RPTOR: variants seen among roughly 807,000 people sequenced by gnomAD.
RPTOR encodes regulatory-associated protein of mTOR.
In RPTOR, 21 loss-of-function variants were observed where a neutral mutation model predicts 169.9. The ratio of observed to expected loss-of-function variants is 0.12; its 90% CI spans 0.09 to 0.18. RPTOR has a LOEUF of 0.18. RPTOR is among the 10% of genes least tolerant of loss of function. The probability of loss-of-function intolerance (pLI) is 1.00; values close to 1 mark genes in which losing one functional copy is unlikely to be tolerated. For missense variants in RPTOR, 1,133 were observed against 1,855.9 expected, an observed-to-expected ratio of 0.61 and a Z score of 7.16; for synonymous variants, 732 against 753.2, an observed-to-expected ratio of 0.97 and a Z score of 0.46.
rs1279577299 is a variant in RPTOR, at chr17:80,608,143, A to G, written c.163-17548A>G. Among the ~76,000 whole-genome samples, 2 of 152,122 alleles carry G rather than the reference A, an allele frequency of 1.3e-5. 1 individual carries two copies. The highest frequency in any genetic ancestry group is 4.1e-4 in the South Asian group (2 of 4,832). ...AGAGTGATAGACTCTCTCATTTTTC[A>G]GTTTACTGAGCAGGGTTCCCCCACT... On this transcript the variant is annotated intron_variant, in intron 1 of 33. Coordinates refer to ENST00000306801, the MANE Select transcript of RPTOR (RefSeq NM_020761.3).
chr17:80,817,204 T>C (rs1352462642), intron 7 of RPTOR, among the ~76,000 whole-genome samples: 1 of 152,096 alleles, frequency 6.6e-6, no homozygotes, highest in Non-Finnish European at 1.5e-5. Flanking sequence ...TCTGAGAGGC[T>C]GGGCAGCTAG....
At chr17:80,728,446 G>GTGTGTGTGTGTGTGTGTGTGTGTGT (rs2066359075) in intron 4 of RPTOR, among the ~76,000 whole-genome samples, 20 of 148,278 alleles carry the variant, frequency 1.3e-4, no homozygotes, top group African/African-American at 4.9e-4. Context: ...TCCACTCTGG[G>GTGTGTGTGTGTGTGTGTGTGTGTGT]GTGTGTGTGT....
At chr17:80,690,681 G>C (rs2065983825) in intron 3 of RPTOR, among the ~76,000 whole-genome samples, 1 of 152,104 alleles carries the variant, frequency 6.6e-6, no homozygotes, top group African/African-American at 2.4e-5. Context: ...TGTTTCATGT[G>C]TGGTGCTGTG....
chr17:80,964,698 C>A lies in RPTOR; in HGVS notation c.*368C>A, dbSNP rs3751934. On this transcript the variant is annotated 3_prime_UTR_variant, in exon 34 of 34. Coordinates refer to ENST00000306801, the MANE Select transcript of RPTOR (RefSeq NM_020761.3). ...GAGCATTAGCTGCAGAAAAACCCCC[C>A]GACAGAGCCCTGGCGGAGAGGCAGG... 0.46 allele frequency: 137,902 copies of A among 299,672 alleles called. 33,661 individuals carry two copies. The highest frequency in any genetic ancestry group is 0.67 in the African/African-American group (32,116 of 47,606). 18.6% of individuals were successfully genotyped at this position (299,672 alleles called of 1,614,324 possible).
At chr17:80,828,322 C>T (rs1023156446) in intron 9 of RPTOR, among the ~76,000 whole-genome samples, 3 of 152,178 alleles carry the variant, frequency 2.0e-5, no homozygotes, top group African/African-American at 4.8e-5. Flanking sequence ...ATGAGAAACC[C>T]GTGGCAGGTG....
At chr17:80,621,573 C>G (rs1031718970) in intron 1 of RPTOR, among the ~76,000 whole-genome samples, 8 of 152,214 alleles carry the variant, frequency 5.3e-5, no homozygotes, top group African/African-American at 1.9e-4. Flanking sequence ...CTGGCTGCCC[C>G]ACTTGCTCGC....
At chr17:80,716,810 A>C (rs961717157) in intron 4 of RPTOR, among the ~76,000 whole-genome samples, 1 of 152,234 alleles carries the variant, frequency 6.6e-6, no homozygotes, top group Admixed American at 6.5e-5. Context: ...TCCCAGCACC[A>C]TTTGTTGTAA....
At chr17:80,890,823 C>T (rs1000024292) in intron 17 of RPTOR, among the ~76,000 whole-genome samples, 1 of 151,954 alleles carries the variant, frequency 6.6e-6, no homozygotes, top group Non-Finnish European at 1.5e-5. Flanking sequence ...ACAGAGAGTG[C>T]GTAGACGGAG....
chr17:80,634,308 C>CTGTGTG (rs1555599807), intron 2 of RPTOR, among the ~76,000 whole-genome samples: 1 of 64,814 alleles, frequency 1.5e-5, no homozygotes, highest in Non-Finnish European at 3.3e-5. Flanking sequence ...TGTGTGCGTA[C>CTGTGTG]TGTGCGTGTG....
In RPTOR at chr17:80,838,423, G is replaced by A. The variant is rs116862243; in HGVS notation, c.1212+426G>A. Among the ~76,000 whole-genome samples the A allele has an allele frequency of 3.9e-4, 60 of 152,304 alleles. No homozygotes were observed. In the East Asian group the frequency reaches 7.2e-3, roughly 18 times the overall value. ...CGTTCTGCCCCCGGCCGCACTGCACGGGCGCTGGAGAGCTGAGCCACCCTA... is the reference window on the plus strand; with the variant it reads ...CGTTCTGCCCCCGGCCGCACTGCACAGGCGCTGGAGAGCTGAGCCACCCTA... On this transcript the variant is annotated intron_variant, in intron 10 of 33. Coordinates refer to ENST00000306801, the MANE Select transcript of RPTOR (RefSeq NM_020761.3).
chr17:80,549,805 C>T (rs1178218256), intron 1 of RPTOR, among the ~76,000 whole-genome samples: 1 of 152,210 alleles, frequency 6.6e-6, no homozygotes, highest in Non-Finnish European at 1.5e-5. Context: ...GACACTCTGT[C>T]TACATGCATG....
intron 5 of RPTOR, among the ~76,000 whole-genome samples, chr17:80,752,273 G>T (rs1598281206): frequency 6.6e-6 from 1 of 152,316 alleles, no homozygotes; most frequent in South Asian, 2.1e-4. Flanking sequence ...GTGCAGGAGG[G>T]ACTTTGCAAG....
intron 3 of RPTOR, among the ~76,000 whole-genome samples, chr17:80,684,589 C>G (rs534103705): frequency 6.6e-6 from 1 of 151,938 alleles, no homozygotes; most frequent in Non-Finnish European, 1.5e-5. Context: ...GGACTACAGA[C>G]GCCCACCACC....
rs1035771629 is a variant in RPTOR at position 80,564,289 on chromosome 17, C to T, written c.162+18498C>T. Reference sequence around the variant, plus strand: ...GTGTTAGCAAGGATGGTCTCAATCTCCTGACCTTGTGATCTGCCCGCCTCG... The same window carrying T: ...GTGTTAGCAAGGATGGTCTCAATCTTCTGACCTTGTGATCTGCCCGCCTCG... On this transcript the variant is annotated intron_variant, in intron 1 of 33. Coordinates refer to ENST00000306801, the MANE Select transcript of RPTOR (RefSeq NM_020761.3). Among the ~76,000 whole-genome samples, 25 of 152,152 alleles carry T rather than the reference C, an allele frequency of 1.6e-4. No homozygotes were observed. In the East Asian group the frequency reaches 4.8e-3, roughly 29 times the overall value.
rs377709755 is a variant in RPTOR, at chr17:80,964,944, C to T, written c.*614C>T. 8.6e-6 allele frequency: 2 copies of T among 233,486 alleles called. No homozygotes were observed. Among genetic ancestry groups the T allele is most frequent in the Non-Finnish European group, 8.5e-6 (1 of 118,334 alleles). The allele number at this position is 233,486 out of a possible 1,614,324, so 14.5% of individuals were successfully genotyped here. A position where few individuals can be genotyped will look rare whatever the true frequency, so the allele number is the denominator to read the frequency against. ...GTGTGAAGGAAGCCGCCCAGGGGTC[C>T]GGGCTGTCCTTGGCCGCTGGCAGCA... is the stretch of plus-strand genomic sequence containing the variant. On this transcript the variant is annotated 3_prime_UTR_variant, in exon 34 of 34. Transcript: ENST00000306801.
At chr17:80,655,911 C>T (rs952219031) in intron 3 of RPTOR, among the ~76,000 whole-genome samples, 1 of 151,898 alleles carries the variant, frequency 6.6e-6, no homozygotes, top group Non-Finnish European at 1.5e-5. Flanking sequence ...GAGGGCAAGT[C>T]GGTGGATCTG....
At chr17:80,777,501 G>A (rs923504395) in intron 6 of RPTOR, among the ~76,000 whole-genome samples, 4 of 151,648 alleles carry the variant, frequency 2.6e-5, no homozygotes, top group Non-Finnish European at 5.9e-5. Flanking sequence ...TCTCCCTAAC[G>A]ACTAATGACA....
At chr17:80,673,225 T>C (rs1000608198) in intron 3 of RPTOR, among the ~76,000 whole-genome samples, 16 of 152,204 alleles carry the variant, frequency 1.1e-4, no homozygotes, top group African/African-American at 3.9e-4. Flanking sequence ...GCCCTCTTTT[T>C]ACATTATTAA....
At chr17:80,645,228 T>C (rs577268316) in intron 3 of RPTOR, among the ~76,000 whole-genome samples, 5 of 152,192 alleles carry the variant, frequency 3.3e-5, no homozygotes, top group African/African-American at 9.6e-5. Flanking sequence ...TGGGGCAGAG[T>C]GGCAGTATTA....
Sources: gnomAD v4.1 joint callset for allele counts (sites outside exome capture counted in the v4.1 genomes callset) on GRCh38, gnomAD v4.1.1 for gene constraint, MANE v1.5 for transcripts, NCBI Gene and HGNC (gene_info 2026-07-23, HGNC 2026-07-21) for gene names.